Variants in PCLO observed in about 807,000 individuals in gnomAD.
PCLO encodes protein piccolo.
PCLO carries 82 observed loss-of-function variants against 427.5 expected under a neutral mutation model. The observed-to-expected ratio is 0.19, with a 90% CI of 0.16 to 0.23. The LOEUF is 0.23. Among genes scored for constraint, PCLO ranks in the 10% least tolerant of loss-of-function variants. The probability of loss-of-function intolerance (pLI) is 1.00; values close to 1 mark genes in which losing one functional copy is unlikely to be tolerated. For missense variants in PCLO, 6,239 were observed against 6,115.9 expected (o/e 1.02, Z -0.67); for synonymous variants, 2,357 against 2,155.4 (o/e 1.09, Z -2.59).
At chr7:82,836,736 C>T (rs78508498) in intron 15 of PCLO, among the ~76,000 whole-genome samples, 2,634 of 152,142 alleles carry the variant, frequency 0.017, 93 homozygotes, top group African/African-American at 0.06. Flanking sequence ...CTGCCTACCT[C>T]GGCTCTCAGG....
chr7:83,005,513 G>A (rs1419253566), intron 3 of PCLO, among the ~76,000 whole-genome samples: 1 of 151,552 alleles, frequency 6.6e-6, no homozygotes, highest in Non-Finnish European at 1.5e-5. Context: ...GGTGAGTATA[G>A]TTAATTGCAA....
At chr7:82,859,106 C>G (rs2115898618) in intron 10 of PCLO, among the ~76,000 whole-genome samples, 1 of 152,278 alleles carries the variant, frequency 6.6e-6, no homozygotes, top group East Asian at 1.9e-4. Flanking sequence ...ACCAGGTAGA[C>G]TTCTAAGATT....
intron 3 of PCLO, among the ~76,000 whole-genome samples, chr7:83,087,025 A>T (rs1790252675): frequency 7.5e-6 from 1 of 133,882 alleles, no homozygotes; most frequent in Non-Finnish European, 1.5e-5. Flanking sequence ...CAATGAAAAC[A>T]CTTGGACACA....
intron 3 of PCLO, among the ~76,000 whole-genome samples, chr7:83,008,841 T>C (rs923941404): frequency 6.6e-6 from 1 of 151,714 alleles, no homozygotes; most frequent in African/African-American, 2.4e-5. Context: ...TATATCATTA[T>C]GTATGTATAA....
At chr7:82,897,964 T>C (rs1457256275) in intron 9 of PCLO, among the ~76,000 whole-genome samples, 2 of 151,370 alleles carry the variant, frequency 1.3e-5, no homozygotes, top group Non-Finnish European at 3.0e-5. Context: ...TAAATTAAAA[T>C]TGGGAATTAA....
chr7:83,125,712 G>A (rs56299784), intron 3 of PCLO, among the ~76,000 whole-genome samples: 1,603 of 152,012 alleles, frequency 0.011, 31 homozygotes, highest in African/African-American at 0.035. Flanking sequence ...TCATCGCCAC[G>A]CCCTAATCTC....
chr7:83,160,086 G>C (rs967905142), intron 1 of PCLO, among the ~76,000 whole-genome samples: 1 of 152,058 alleles, frequency 6.6e-6, no homozygotes, highest in Non-Finnish European at 1.5e-5. Flanking sequence ...TGCTGATACC[G>C]ATATTGCCAC....
At chr7:82,970,120 C>T (rs1004732315) in intron 3 of PCLO, among the ~76,000 whole-genome samples, 5 of 151,698 alleles carry the variant, frequency 3.3e-5, no homozygotes, top group Non-Finnish European at 7.4e-5. Context: ...CATATGCCTG[C>T]AAAAAGGCAA....
chr7:83,008,557 C>T (rs1368422760), intron 3 of PCLO, among the ~76,000 whole-genome samples: 1 of 129,400 alleles, frequency 7.7e-6, no homozygotes, highest in Non-Finnish European at 1.6e-5. Context: ...GTTGACTGGA[C>T]TGCAAAGTTC....
chr7:82,920,129 TA>T lies in PCLO; in HGVS notation c.11113-3257del, dbSNP rs548545618. Among the ~76,000 whole-genome samples the T allele has an allele frequency of 5.2e-4, 79 of 151,928 alleles. No homozygotes were observed. In the South Asian group the frequency reaches 0.013, roughly 25 times the overall value. ...CTCAACTAAGTATTTAATTCTAATTTAAAAAAACCTCTCAACTAGTTATTTA... is the reference window on the plus strand; with the variant it reads ...CTCAACTAAGTATTTAATTCTAATTTAAAAAACCTCTCAACTAGTTATTTA... On this transcript the variant is annotated intron_variant, in intron 6 of 24. Coordinates refer to ENST00000333891, the MANE Select transcript of PCLO (RefSeq NM_033026.6).
chr7:83,094,358 G>A (rs921104284), intron 3 of PCLO, among the ~76,000 whole-genome samples: 14 of 151,890 alleles, frequency 9.2e-5, no homozygotes, highest in African/African-American at 1.2e-4. Context: ...ACAGGTGTGC[G>A]CCACCATGCC....
In PCLO at chr7:83,093,477, G is replaced by GTGTGTGTGT. The variant is rs1209162419; in HGVS notation, c.3300+40772_3300+40773insACACACACA. ...AAACATATATATGTGTGTGTGTATA[G>GTGTGTGTGT]ATATATATATATATATTTTTTTTTT... is the stretch of plus-strand genomic sequence containing the variant. On this transcript the variant is annotated intron_variant, in intron 3 of 24. Transcript: ENST00000333891. Among the ~76,000 whole-genome samples the GTGTGTGTGT allele has an allele frequency of 9.0e-4, 83 of 92,164 alleles. 3 individuals are homozygous for GTGTGTGTGT. Among genetic ancestry groups the GTGTGTGTGT allele is most frequent in the African/African-American group, 3.6e-3 (81 of 22,788 alleles). The allele number at this position is 92,164 out of a possible 152,430, so 60.5% of individuals were successfully genotyped here.
intron 3 of PCLO, among the ~76,000 whole-genome samples, chr7:83,130,512 G>C (rs893995467): frequency 1.3e-5 from 2 of 151,966 alleles, no homozygotes; most frequent in Non-Finnish European, 2.9e-5. Flanking sequence ...ACTAATTAAT[G>C]GTAGAATTCT....
Position 83,162,659 on chromosome 7 carries a change from C to T in PCLO, c.-67G>A, listed in dbSNP as rs1361584837. ...CGCGTCCCAGTCGAGAAGCCCGCGGCCAGGGGAGCAGTCAGAGCCGGGGTC... is the reference window on the plus strand; with the variant it reads ...CGCGTCCCAGTCGAGAAGCCCGCGGTCAGGGGAGCAGTCAGAGCCGGGGTC... On this transcript the variant is annotated 5_prime_UTR_variant, in exon 1 of 25. Transcript: ENST00000333891. The T allele has an allele frequency of 1.4e-6, 2 of 1,470,606 alleles. No homozygotes were observed. Among genetic ancestry groups the T allele is most frequent in the Middle Eastern group, 2.4e-4 (1 of 4,086 alleles). 91.1% of individuals were successfully genotyped at this position (1,470,606 alleles called of 1,614,324 possible).
chr7:83,019,081 T>C (rs1201405559), intron 3 of PCLO, among the ~76,000 whole-genome samples: 5 of 152,028 alleles, frequency 3.3e-5, no homozygotes, highest in Non-Finnish European at 5.9e-5. Flanking sequence ...ATATTTTCCA[T>C]AATATTCCTG....
intron 22 of PCLO, among the ~76,000 whole-genome samples, chr7:82,781,520 C>A (rs1023802292): frequency 8.8e-5 from 12 of 136,298 alleles, no homozygotes; most frequent in Non-Finnish European, 1.4e-4. Context: ...CAATGAGTAA[C>A]TGCCATTTCT....
intron 3 of PCLO, among the ~76,000 whole-genome samples, chr7:83,103,718 T>C (rs986660805): frequency 2.0e-5 from 3 of 151,986 alleles, no homozygotes; most frequent in African/African-American, 7.2e-5. Flanking sequence ...TAATTGTATA[T>C]GCTTTAATAT....
intron 10 of PCLO, among the ~76,000 whole-genome samples, chr7:82,873,419 T>A (rs141546220): frequency 3.9e-4 from 59 of 152,228 alleles, no homozygotes; most frequent in Non-Finnish European, 7.4e-4. Flanking sequence ...GTGAGTCTTA[T>A]ACGGCAATTT....
chr7:82,807,446 T>A (rs942420188), intron 20 of PCLO, among the ~76,000 whole-genome samples: 13 of 152,106 alleles, frequency 8.5e-5, no homozygotes, highest in Non-Finnish European at 2.9e-5. Context: ...AGGATATGTA[T>A]AAAAACACAA....
Sources: allele counts gnomAD v4.1 joint callset (sites outside exome capture counted in the v4.1 genomes callset), GRCh38; gene constraint gnomAD v4.1.1; transcripts MANE v1.5; gene names NCBI Gene and HGNC (gene_info 2026-07-23, HGNC 2026-07-21).